Variants in TRABD2A observed in about 807,000 individuals in gnomAD.
TRABD2A encodes the protein metalloprotease TIKI1.
TRABD2A carries 43 observed loss-of-function variants against 45.6 expected under a neutral mutation model. That is an observed-to-expected ratio of 0.94 (90% confidence interval 0.74 to 1.22). TRABD2A has a LOEUF of 1.22. Among genes scored for constraint, TRABD2A ranks in the 50% most tolerant of loss-of-function variants. TRABD2A has a pLI of 0.00. For missense variants in TRABD2A, 642 were observed against 652.4 expected (o/e 0.98, Z 0.17); for synonymous variants, 269 against 265.0 (o/e 1.02, Z -0.15).
chr2:84,876,284 C>T (rs1683023705), intron 1 of TRABD2A, among the ~76,000 whole-genome samples: 1 of 152,100 alleles, frequency 6.6e-6, no homozygotes, highest in Non-Finnish European at 1.5e-5. Flanking sequence ...ACAAGGTCTC[C>T]AACAGGATGT....
At chr2:84,860,173 T>C (rs748203418) in intron 2 of TRABD2A, among the ~76,000 whole-genome samples, 4 of 152,138 alleles carry the variant, frequency 2.6e-5, no homozygotes, top group Non-Finnish European at 5.9e-5. Context: ...AAAATCTCCT[T>C]CCTGTCAAAG....
intron 2 of TRABD2A, among the ~76,000 whole-genome samples, chr2:84,868,291 A>G (rs918155328): frequency 2.0e-4 from 30 of 152,300 alleles, no homozygotes; most frequent in African/African-American, 6.5e-4. Flanking sequence ...TTGTAGGGAC[A>G]TGGATGAAGC....
intron 2 of TRABD2A, among the ~76,000 whole-genome samples, chr2:84,848,265 A>G (rs1681963890): frequency 6.9e-6 from 1 of 144,688 alleles, no homozygotes; most frequent in Non-Finnish European, 1.5e-5. Context: ...CCGTTCCCCA[A>G]TCAGCAACCA....
At chr2:84,833,228 G>C (rs1681399769) in intron 4 of TRABD2A, 1 of 152,212 alleles carries the variant, frequency 6.6e-6, no homozygotes, top group Admixed American at 6.5e-5. Context: ...CAGTGCAGGG[G>C]CGATAGCTGT....
intron 3 of TRABD2A, 48 bp from the exon 4 acceptor site, chr2:84,839,371 A>G: frequency 6.6e-7 from 1 of 1,525,568 alleles, no homozygotes; most frequent in Non-Finnish European, 8.8e-7. Context: ...CAGAGTTATT[A>G]ACAAAGTTAC....
chr2:84,844,763 C>A (rs1681829795), intron 2 of TRABD2A, among the ~76,000 whole-genome samples: 1 of 152,128 alleles, frequency 6.6e-6, no homozygotes, highest in South Asian at 2.1e-4. Flanking sequence ...TATGCCTGGC[C>A]CCAGGCCCAA....
In TRABD2A at chr2:84,841,907, T is replaced by G. The variant is rs1365928605; in HGVS notation, c.770A>C (p.Asn257Thr). The change falls in exon 3 of 7, where the codon AAC (asparagine) becomes ACC (threonine). Residue 257 changes from asparagine to threonine, a missense_variant. By Grantham distance (65) the Asn-to-Thr change is moderately conservative. Transcript: ENST00000409520. ...GATGACGGAGCTGAGGTCCCCGCAG[T>G]TATAGTGTTTGATGAGATCCTCCGT... ...YTTEDLIKHY[N>T]CGDLSSVILS... The G allele has an allele frequency of 3.9e-6, 6 of 1,547,744 alleles. No individual in the cohort carries two copies. Among genetic ancestry groups the G allele is most frequent in the Non-Finnish European group, 4.4e-6 (5 of 1,146,152 alleles).
At chr2:84,842,166 T>A in intron 2 of TRABD2A, 159 bp from the exon 3 acceptor site, 1 of 760,874 alleles carries the variant, frequency 1.3e-6, no homozygotes, top group Admixed American at 3.6e-5. Context: ...CTGGACAGCA[T>A]CCAAAGAAAA....
chr2:84,881,056 C>G lies in TRABD2A; in HGVS notation c.-17G>C, dbSNP rs747448072. 4.4e-6 allele frequency: 7 copies of G among 1,580,462 alleles called. No homozygotes were observed. The highest frequency in any genetic ancestry group is 1.8e-5 in the Admixed American group (1 of 55,454). Reference sequence around the variant, plus strand: ...GGGACTCATCCTCCTCAAGGCGGCTCCGAGGCCCGGAACGCGGAGGGAAGG... The same window carrying G: ...GGGACTCATCCTCCTCAAGGCGGCTGCGAGGCCCGGAACGCGGAGGGAAGG... On this transcript the variant is annotated 5_prime_UTR_variant, in exon 1 of 7. Coordinates refer to ENST00000409520, the MANE Select transcript of TRABD2A (RefSeq NM_001277053.2).
chr2:84,843,093 C>A (rs749165784), intron 2 of TRABD2A, among the ~76,000 whole-genome samples: 2 of 151,612 alleles, frequency 1.3e-5, no homozygotes, highest in Non-Finnish European at 2.9e-5. Flanking sequence ...CCACCCCCTA[C>A]GAGGCTCCAG....
At chr2:84,875,464 C>T (rs538570587) in intron 1 of TRABD2A, among the ~76,000 whole-genome samples, 2 of 152,294 alleles carry the variant, frequency 1.3e-5, no homozygotes, top group South Asian at 4.1e-4. Context: ...TCAAGCCATG[C>T]AGGGTCGGTG....
intron 3 of TRABD2A, 114 bp from the exon 4 acceptor site, chr2:84,839,437 A>AATG: frequency 1.0e-6 from 1 of 987,564 alleles, no homozygotes. Context: ...TCAAGAGAAG[A>AATG]GTGACACCAT....
rs777472069 is a variant in TRABD2A, at chr2:84,821,916, G to A, written c.*1C>T. ...GGTTCTTAGCCTGGTGCTTCCAGTC[G>A]TTACAGGAGGGGTGTCTCTGTTTGG... is the stretch of plus-strand genomic sequence containing the variant. On this transcript the variant is annotated 3_prime_UTR_variant, in exon 7 of 7. Coordinates refer to ENST00000409520, the MANE Select transcript of TRABD2A (RefSeq NM_001277053.2). 101 of 1,587,452 alleles carry A rather than the reference G, an allele frequency of 6.4e-5. No homozygotes were observed. Among genetic ancestry groups the A allele is most frequent in the Non-Finnish European group, 8.1e-5 (95 of 1,166,204 alleles).
chr2:84,868,183 C>T (rs899759145), intron 2 of TRABD2A, among the ~76,000 whole-genome samples: 4 of 152,076 alleles, frequency 2.6e-5, no homozygotes, highest in African/African-American at 9.7e-5. Flanking sequence ...TTGGAACCAA[C>T]CGAAATTGTC....
At chr2:84,822,236 G>A (rs1681023704) in intron 6 of TRABD2A, 136 bp from the exon 7 acceptor site, 7 of 684,150 alleles carry the variant, frequency 1.0e-5, no homozygotes, top group Non-Finnish European at 1.3e-5. Context: ...ATATTAATAG[G>A]CTTCCTATAT....
At chr2:84,880,699 G>C (rs1280234858) in intron 1 of TRABD2A, among the ~76,000 whole-genome samples, 2 of 152,246 alleles carry the variant, frequency 1.3e-5, no homozygotes, top group East Asian at 3.9e-4. Flanking sequence ...GGCTGGCGGA[G>C]GGCAAAGGCC....
chr2:84,859,565 G>T (rs569059312), intron 2 of TRABD2A, among the ~76,000 whole-genome samples: 1 of 152,232 alleles, frequency 6.6e-6, no homozygotes, highest in Non-Finnish European at 1.5e-5. Context: ...GACAGCAGAC[G>T]CTATGAGTTC....
chr2:84,867,970 CTTTT>C (rs1682738584), intron 2 of TRABD2A, among the ~76,000 whole-genome samples: 1 of 152,168 alleles, frequency 6.6e-6, no homozygotes. Flanking sequence ...AATAGGAACG[CTTTT>C]ACACTGTTGG....
intron 2 of TRABD2A, among the ~76,000 whole-genome samples, chr2:84,857,563 C>T (rs1682355373): frequency 1.3e-5 from 2 of 152,150 alleles, no homozygotes; most frequent in African/African-American, 2.4e-5. Flanking sequence ...CCACAGAGTC[C>T]CTGGCATTTC....
Sources: allele counts gnomAD v4.1 joint callset (sites outside exome capture counted in the v4.1 genomes callset), GRCh38; gene constraint gnomAD v4.1.1; transcripts MANE v1.5; gene names NCBI Gene and HGNC (gene_info 2026-07-23, HGNC 2026-07-21).